The following CLIC5 variants were observed in gnomAD, a reference collection of about 807,000 sequenced individuals.
The protein encoded by CLIC5 is CLIC family member 5.
A neutral mutation model predicts 24.7 loss-of-function variants in CLIC5; 20 were observed. The ratio of observed to expected loss-of-function variants is 0.81; its 90% CI spans 0.57 to 1.18. The LOEUF is 1.18. Ranked by LOEUF, CLIC5 falls within the 50% of genes most tolerant of loss-of-function variation. CLIC5 has a pLI of 0.00. For missense variants in CLIC5, 341 were observed against 326.1 expected, an observed-to-expected ratio of 1.05 and a Z score of -0.35; for synonymous variants, 159 against 135.6, an observed-to-expected ratio of 1.17 and a Z score of -1.20.
intron 1 of CLIC5, among the ~76,000 whole-genome samples, chr6:45,960,406 T>C (rs1764807658): frequency 6.6e-6 from 1 of 152,208 alleles, no homozygotes; most frequent in Admixed American, 6.5e-5. Context: ...TCTTTAAACA[T>C]TTCTCCTTTA....
intron 4 of CLIC5, among the ~76,000 whole-genome samples, chr6:45,940,631 G>A (rs1047591357): frequency 1.7e-4 from 26 of 152,182 alleles, no homozygotes; most frequent in African/African-American, 6.3e-4. Flanking sequence ...AAAGATTCAT[G>A]GAGCACTTAA....
At chr6:46,017,325 AT>A (rs1767047026), upstream of CLIC5, among the ~76,000 whole-genome samples, 1 of 152,250 alleles carries the variant, frequency 6.6e-6, no homozygotes, top group Non-Finnish European at 1.5e-5. Context: ...TAATAAAAAA[AT>A]AAGTAATAAT....
chr6:46,018,844 TA>T, upstream of CLIC5: 1 of 152,246 alleles, frequency 6.6e-6, no homozygotes, highest in Non-Finnish European at 1.5e-5. Context: ...GTGACATTCA[TA>T]TTTTTGTATG....
At chr6:45,979,569 C>G (rs1765498822) in intron 1 of CLIC5, among the ~76,000 whole-genome samples, 1 of 151,810 alleles carries the variant, frequency 6.6e-6, no homozygotes, top group Non-Finnish European at 1.5e-5. Context: ...TTAGATATTC[C>G]TACTGCATAA....
At chr6:46,128,491 G>A in the CLIC5 span, among the ~76,000 whole-genome samples, 1 of 152,306 alleles carries the variant, frequency 6.6e-6, no homozygotes, top group South Asian at 2.1e-4. Flanking sequence ...GCCTTACCCT[G>A]ACTATTGTTC....
the CLIC5 span, among the ~76,000 whole-genome samples, chr6:46,095,864 T>C: frequency 6.6e-6 from 1 of 152,178 alleles, no homozygotes; most frequent in East Asian, 1.9e-4. Context: ...TATTAGTCTG[T>C]ACTAAGCTGC....
intron 1 of CLIC5, among the ~76,000 whole-genome samples, chr6:45,985,850 G>T (rs190700030): frequency 7.9e-5 from 12 of 152,154 alleles, no homozygotes; most frequent in African/African-American, 2.7e-4. Context: ...TGCCTGATGT[G>T]GTTTGGCTGT....
exon 1 of CLIC5, chr6:46,079,869 T>C: frequency 6.4e-7 from 1 of 1,552,160 alleles, no homozygotes. Context: ...CCCATTCTCC[T>C]GGAGTTCTGC....
intron 1 of CLIC5, among the ~76,000 whole-genome samples, chr6:45,997,871 G>A (rs3777612): frequency 0.65 from 98,959 of 152,102 alleles, 32,669 homozygotes; most frequent in East Asian, 0.78. Flanking sequence ...CTATAAGTAG[G>A]TTCCATGAGT....
intron 5 of CLIC5, among the ~76,000 whole-genome samples, chr6:45,904,639 T>TCCCTCCCTCCCTCC (rs1554143218): frequency 1.5e-5 from 2 of 135,270 alleles, no homozygotes; most frequent in African/African-American, 2.7e-5. Flanking sequence ...CCCTCCCTCT[T>TCCCTCCCTCCCTCC]TTCTGTCCCT....
chr6:46,099,371 G>A, the CLIC5 span, among the ~76,000 whole-genome samples: 5 of 152,204 alleles, frequency 3.3e-5, no homozygotes, highest in Non-Finnish European at 5.9e-5. Context: ...TCCCTTGAAA[G>A]CAGGACTTTC....
At chr6:46,082,913 A>T (rs755019034), upstream of CLIC5, among the ~76,000 whole-genome samples, 33 of 152,220 alleles carry the variant, frequency 2.2e-4, no homozygotes, top group African/African-American at 8.0e-4. Context: ...TGTAAACCCT[A>T]TATGGCGGCG....
At chr6:46,112,605 G>A in the CLIC5 span, among the ~76,000 whole-genome samples, 1 of 152,308 alleles carries the variant, frequency 6.6e-6, no homozygotes, top group East Asian at 1.9e-4. Context: ...ATTAGCAATT[G>A]TATACACTTA....
chr6:46,034,885 G>A (rs1401204882), intron 1 of CLIC5, among the ~76,000 whole-genome samples: 5 of 152,172 alleles, frequency 3.3e-5, no homozygotes, highest in Non-Finnish European at 7.3e-5. Flanking sequence ...TGACTACTAA[G>A]GTTCGGAGAA....
At chr6:46,041,989 G>T (rs894009808) in intron 1 of CLIC5, among the ~76,000 whole-genome samples, 4 of 152,078 alleles carry the variant, frequency 2.6e-5, no homozygotes, top group Admixed American at 6.5e-5. Context: ...AGAAACAAAG[G>T]CACTGGACTA....
At chr6:45,955,304 G>T in intron 1 of CLIC5, 60 bp from the exon 2 acceptor site, 1 of 1,226,614 alleles carries the variant, frequency 8.2e-7, no homozygotes, top group Non-Finnish European at 1.2e-6. Flanking sequence ...GGGAACATAA[G>T]ATTGTAACAC....
chr6:46,121,232 C>A, the CLIC5 span, among the ~76,000 whole-genome samples: 1 of 152,228 alleles, frequency 6.6e-6, no homozygotes, highest in Admixed American at 6.5e-5. Flanking sequence ...CAGCTAATCT[C>A]TCGGCAGAAA....
the CLIC5 span, among the ~76,000 whole-genome samples, chr6:46,119,502 G>A: frequency 2.6e-5 from 4 of 152,232 alleles, no homozygotes; most frequent in African/African-American, 7.2e-5. Context: ...AGCTCCCAGC[G>A]TGAGCGACGC....
intron 4 of CLIC5, chr6:45,919,157 G>A: frequency 1.0e-6 from 1 of 955,092 alleles, no homozygotes; most frequent in Non-Finnish European, 1.2e-6. Context: ...AGTCCCCCTA[G>A]AGAATTCTGT....
Sources: allele counts gnomAD v4.1 joint callset (sites outside exome capture counted in the v4.1 genomes callset), GRCh38; gene constraint gnomAD v4.1.1; transcripts MANE v1.5; gene names NCBI Gene and HGNC (gene_info 2026-07-23, HGNC 2026-07-21).